Variants in CACNA1C observed in about 807,000 individuals in gnomAD.
The protein encoded by CACNA1C is calcium voltage-gated channel subunit alpha1 C.
CACNA1C carries 30 observed loss-of-function variants against 229.0 expected under a neutral mutation model. The observed-to-expected ratio is 0.13, with a 90% CI of 0.10 to 0.18. The LOEUF (loss-of-function observed/expected upper bound fraction) is 0.18. Among genes scored for constraint, CACNA1C ranks in the 10% least tolerant of loss-of-function variants. The pLI is 1.00. For missense variants in CACNA1C, 1,658 were observed against 2,845.0 expected (o/e 0.58, Z 9.49); for synonymous variants, 1,114 against 1,132.5 (o/e 0.98, Z 0.33).
Position 2,584,510 on chromosome 12 carries a change from A to C in CACNA1C, c.2232A>C (p.Leu744=), listed in dbSNP as rs370145265. 82 of 1,609,672 alleles carry C rather than the reference A, an allele frequency of 5.1e-5. No homozygotes were observed. The highest frequency in any genetic ancestry group is 6.4e-5 in the Non-Finnish European group (75 of 1,176,178). ...IILFICGNYI[L]LNVFLAIAVD... ...AAGAATGGACACAAACAGATATCCT[A>C]CTGAATGTGTTCTTGGCCATTGCTG... Residue 744 remains leucine, a synonymous_variant, in exon 16 of 47, where the codon CTA becomes CTC. Transcript: ENST00000399655.
chr12:1,993,435 C>T (rs760175949), intron 1 of CACNA1C: 2 of 1,592,180 alleles, frequency 1.3e-6, no homozygotes, highest in Admixed American at 3.5e-5. Flanking sequence ...AGACAAATTG[C>T]TTAGTATGCT....
chr12:2,440,429 C>T (rs557806563), intron 3 of CACNA1C, among the ~76,000 whole-genome samples: 5 of 152,320 alleles, frequency 3.3e-5, no homozygotes, highest in East Asian at 1.9e-4. Flanking sequence ...TTTCACGGCT[C>T]GTCCATGCTG....
intron 3 of CACNA1C, among the ~76,000 whole-genome samples, chr12:2,380,287 G>C (rs1397833375): frequency 6.6e-6 from 1 of 152,180 alleles, no homozygotes. Context: ...CATGGTGCTT[G>C]CATGGCTATT....
At chr12:2,401,049 G>A (rs1204153497) in intron 3 of CACNA1C, among the ~76,000 whole-genome samples, 1 of 152,074 alleles carries the variant, frequency 6.6e-6, no homozygotes, top group East Asian at 1.9e-4. Context: ...GCCCCCCAAG[G>A]CTTGGTCCTC....
chr12:2,690,649 A>G (rs77390369), intron 46 of CACNA1C, among the ~76,000 whole-genome samples: 2 of 152,180 alleles, frequency 1.3e-5, no homozygotes, highest in African/African-American at 4.8e-5. Flanking sequence ...AAGTCTTCAT[A>G]TATTTGATGA....
At chr12:2,535,806 AAAAC>A (rs1384653506) in intron 9 of CACNA1C, among the ~76,000 whole-genome samples, 1 of 152,156 alleles carries the variant, frequency 6.6e-6, no homozygotes, top group African/African-American at 2.4e-5. Context: ...AAGAAAGAGG[AAAAC>A]AAACTGCAAG....
At chr12:2,618,598 G>T (rs1300825620) in intron 29 of CACNA1C, among the ~76,000 whole-genome samples, 1 of 152,242 alleles carries the variant, frequency 6.6e-6, no homozygotes, top group African/African-American at 2.4e-5. Context: ...CACCAATGTG[G>T]CCACCTGAGG....
In CACNA1C at chr12:2,602,647, TG is replaced by T. The variant is rs2073243934; in HGVS notation, c.2960+688del. ...TTTGTGTCTTGTGTGTGTGTGTGTG[TG>T]TGTGTGTGTGTGTGTGTGTGTGAGT... On this transcript the variant is annotated intron_variant, in intron 22 of 46. Transcript: ENST00000399655. The surrounding 1 kb of genome is among the most constrained non-coding windows in gnomAD (Gnocchi z 4.4). 6.6e-6 allele frequency among the ~76,000 whole-genome samples: 1 copy of T among 151,288 alleles called. No homozygotes were observed. The highest frequency in any genetic ancestry group is 2.1e-4 in the South Asian group (1 of 4,788).
chr12:2,257,005 C>G (rs1362914400), intron 3 of CACNA1C, among the ~76,000 whole-genome samples: 1 of 152,158 alleles, frequency 6.6e-6, no homozygotes, highest in Non-Finnish European at 1.5e-5. Context: ...CTCAACACAA[C>G]AGAATGTAAA....
At chr12:2,061,381 A>G (rs1380294072) in intron 1 of CACNA1C, among the ~76,000 whole-genome samples, 1 of 152,236 alleles carries the variant, frequency 6.6e-6, no homozygotes, top group Non-Finnish European at 1.5e-5. Context: ...TTAAAGGTGA[A>G]AATGTAAAAC....
At chr12:2,272,328 G>A (rs973324148) in intron 3 of CACNA1C, among the ~76,000 whole-genome samples, 4 of 151,978 alleles carry the variant, frequency 2.6e-5, no homozygotes, top group Non-Finnish European at 4.4e-5. Context: ...TCCATTCTTC[G>A]ATTCCAGCTC....
intron 22 of CACNA1C, among the ~76,000 whole-genome samples, chr12:2,604,078 C>T (rs1217707682): frequency 6.6e-6 from 1 of 152,354 alleles, no homozygotes; most frequent in East Asian, 1.9e-4. Context: ...AGGATCTACA[C>T]TCCCACATGG....
Position 2,000,399 on chromosome 12 carries a change from C to T in CACNA1C, c.139+29198C>T, listed in dbSNP as rs947709495. 2.0e-5 allele frequency among the ~76,000 whole-genome samples: 3 copies of T among 151,858 alleles called. No homozygotes were observed. The East Asian group carries it at 5.8e-4, about 29-fold the overall frequency. ...ATAAGGATATCTATATATATCAGCA[C>T]ACATAAAACTAAATAGCTTCTGACT... On this transcript the variant is annotated intron_variant, in intron 1 of 46. Transcript: ENST00000682462.
chr12:2,310,425 T>C (rs2095372991), intron 3 of CACNA1C, among the ~76,000 whole-genome samples: 1 of 151,860 alleles, frequency 6.6e-6, no homozygotes. Context: ...TAATTTGGTT[T>C]TGAATGTGGG....
At chr12:2,481,815 C>T (rs1237785308) in intron 5 of CACNA1C, among the ~76,000 whole-genome samples, 2 of 152,228 alleles carry the variant, frequency 1.3e-5, no homozygotes, top group East Asian at 3.8e-4. Flanking sequence ...TCATCACATG[C>T]GTGGGCCAAT....
In CACNA1C at chr12:2,358,724, GC is replaced by G. The variant is rs1406732955; in HGVS notation, c.478-90249del. 2.6e-5 allele frequency among the ~76,000 whole-genome samples: 4 copies of G among 152,172 alleles called. No individual in the cohort carries two copies. In the East Asian group the frequency reaches 7.7e-4, roughly 29 times the overall value. ...TTGTGGGTGAGAGAACAGTGCGCAC[GC>G]CCACATGGCTGTTCTGTGAGATCAC... On this transcript the variant is annotated intron_variant, in intron 3 of 46. Transcript: ENST00000399655.
At chr12:1,976,643 TC>T (rs141156192) in intron 1 of CACNA1C, among the ~76,000 whole-genome samples, 2,535 of 152,262 alleles carry the variant, frequency 0.017, 75 homozygotes, top group African/African-American at 0.057. Flanking sequence ...AGTAAGAATG[TC>T]AAGTATTTTT....
At chr12:2,425,703 T>C (rs112097631) in intron 3 of CACNA1C, among the ~76,000 whole-genome samples, 2 of 152,338 alleles carry the variant, frequency 1.3e-5, no homozygotes, top group South Asian at 2.1e-4. Flanking sequence ...CATGCTCTCC[T>C]CATTTGCAAT....
chr12:2,517,179 CAA>C (rs2099798666), intron 9 of CACNA1C, among the ~76,000 whole-genome samples: 3 of 152,226 alleles, frequency 2.0e-5, no homozygotes, highest in African/African-American at 7.2e-5. Flanking sequence ...AGCTTCCTGG[CAA>C]ATCAGCCTTA....
Sources: allele counts gnomAD v4.1 joint callset (sites outside exome capture counted in the v4.1 genomes callset), GRCh38; gene constraint gnomAD v4.1.1; non-coding constraint Gnocchi (gnomAD v3.1); transcripts MANE v1.5; gene names NCBI Gene and HGNC (gene_info 2026-07-23, HGNC 2026-07-21).